PRDM15: variants seen among roughly 807,000 people sequenced by gnomAD.
PRDM15 encodes PR domain zinc finger protein 15.
In PRDM15, 64 loss-of-function variants were observed where a neutral mutation model predicts 128.6. The ratio of observed to expected loss-of-function variants is 0.50; its 90% confidence interval spans 0.41 to 0.61. The LOEUF is 0.61. Among genes scored for constraint, PRDM15 ranks in the 20% least tolerant of loss-of-function variants. The pLI, the probability that PRDM15 is intolerant of heterozygous loss-of-function variation, is 0.00. For synonymous variants in PRDM15, 615 were observed against 621.8 expected (o/e 0.99, Z 0.16); for missense variants, 1,242 against 1,569.1 (o/e 0.79, Z 3.52).
chr21:41,871,789 T>A, intron 1 of PRDM15: 1 of 680,882 alleles, frequency 1.5e-6, no homozygotes. Context: ...CTGCTGCGTT[T>A]CATCACCTCT....
At position 41,819,699 on chromosome 21, in the gene PRDM15, C is replaced by T; in HGVS notation, c.2143G>A (p.Val715Met). Reference protein sequence around the residue: ...LERHKLIHTGVKSHACEQCGK... With the variant: ...LERHKLIHTGMKSHACEQCGK... Reference sequence around the variant, plus strand: ...CACTGCTCGCAGGCGTGGCTCTTCACACCTGAGAACACAGGCATCTGCCAC... The same window carrying T: ...CACTGCTCGCAGGCGTGGCTCTTCATACCTGAGAACACAGGCATCTGCCAC... Residue 715 changes from valine to methionine, a missense_variant and splice_region_variant, in exon 18 of 24, where the codon GTG (valine) becomes ATG (methionine). Physicochemically the swap from Val to Met is conservative, Grantham distance 21. Transcript: ENST00000398548. 6.3e-7 allele frequency: 1 copy of T among 1,598,076 alleles called. No individual in the cohort carries two copies. The highest frequency in any genetic ancestry group is 1.7e-5 in the Admixed American group (1 of 58,984).
chr21:41,861,618 A>G, intron 1 of PRDM15: 1 of 1,613,072 alleles, frequency 6.2e-7, no homozygotes, highest in South Asian at 1.1e-5. Flanking sequence ...GTGGTTTAGG[A>G]AAGTGTGCAT....
At chr21:41,850,275 C>G (rs1375876893) in intron 5 of PRDM15, among the ~76,000 whole-genome samples, 2 of 151,992 alleles carry the variant, frequency 1.3e-5, no homozygotes, top group African/African-American at 4.8e-5. Context: ...GCCCTGCTGG[C>G]ATGGTGCCCC....
At position 41,860,771 on chromosome 21, in the gene PRDM15, C is replaced by T. The variant is rs147377221; in HGVS notation, c.-9-399G>A. ...AATTCCTACTAAAGGCCTCCTCCAG[C>T]CAGTACAGGAACATTACGTGGTGTT... On this transcript the variant is annotated intron_variant, in intron 1 of 23. Coordinates refer to ENST00000398548, the MANE Select transcript of PRDM15 (RefSeq NM_001040424.3). 2.1e-3 allele frequency among the ~76,000 whole-genome samples: 321 copies of T among 152,248 alleles called. 2 individuals are homozygous for T. Among genetic ancestry groups the T allele is most frequent in the African/African-American group, 7.3e-3 (304 of 41,548 alleles).
At chr21:41,820,211 C>A in intron 16 of PRDM15, 37 bp from the exon 17 acceptor site, 1 of 1,573,760 alleles carries the variant, frequency 6.4e-7, no homozygotes, top group Non-Finnish European at 8.7e-7. Context: ...GCCGCACAGC[C>A]TCGGGGCTCC....
chr21:41,806,481 T>C (rs111065044), intron 21 of PRDM15, among the ~76,000 whole-genome samples: 48,608 of 49,246 alleles, frequency 0.99, 23,996 homozygotes, highest in Admixed American at 0.99. Context: ...CACCACCCAT[T>C]ACTACCACCA....
chr21:41,875,205 C>A (rs529420835), intron 1 of PRDM15, among the ~76,000 whole-genome samples: 1 of 152,366 alleles, frequency 6.6e-6, no homozygotes, highest in East Asian at 1.9e-4. Context: ...GTCTGCACCT[C>A]CCCTCCAGAG....
intron 1 of PRDM15, chr21:41,861,533 T>TG: frequency 9.3e-6 from 14 of 1,512,336 alleles, no homozygotes; most frequent in East Asian, 2.3e-5. Flanking sequence ...ATTCCTCCTC[T>TG]GCCCCCCCCC....
chr21:41,834,487 T>G (rs1207798424), intron 11 of PRDM15: 1 of 1,548,536 alleles, frequency 6.5e-7, no homozygotes, highest in Admixed American at 2.0e-5. Flanking sequence ...AAGGACGGGG[T>G]GGGCGTCGAA....
chr21:41,833,681 C>T (rs974571132), intron 11 of PRDM15, among the ~76,000 whole-genome samples: 4 of 152,156 alleles, frequency 2.6e-5, no homozygotes, highest in Admixed American at 6.5e-5. Context: ...AGAGGTGGTG[C>T]GATGCAGGTC....
intron 14 of PRDM15, among the ~76,000 whole-genome samples, chr21:41,822,416 T>A (rs2062310241): frequency 6.6e-6 from 1 of 152,202 alleles, no homozygotes. Context: ...AAGTCCTCCC[T>A]GCTCCCGGGG....
At chr21:41,808,130 C>A (rs1211257615) in intron 21 of PRDM15, among the ~76,000 whole-genome samples, 1 of 152,226 alleles carries the variant, frequency 6.6e-6, no homozygotes, top group Non-Finnish European at 1.5e-5. Context: ...TAGAAACCCA[C>A]ACGTCATGGA....
intron 6 of PRDM15, among the ~76,000 whole-genome samples, chr21:41,843,360 A>G (rs2063133403): frequency 6.6e-6 from 1 of 152,008 alleles, no homozygotes; most frequent in Non-Finnish European, 1.5e-5. Flanking sequence ...CCAGTTATCT[A>G]TCCTTGAACT....
intron 5 of PRDM15, among the ~76,000 whole-genome samples, chr21:41,853,704 AAT>A (rs924022960): frequency 1.3e-5 from 2 of 152,176 alleles, no homozygotes; most frequent in Admixed American, 6.5e-5. Context: ...TTTCAGCAGG[AAT>A]GCTAGATTTG....
In PRDM15 at chr21:41,810,462, G is replaced by T; in HGVS notation, c.2477-133C>A. On this transcript the variant is annotated intron_variant, in intron 20 of 23. Transcript: ENST00000398548. The surrounding 1 kb of genome is among the most constrained non-coding windows in gnomAD (Gnocchi z 6.4). ...GTCACGCCCCGCCCATCCTGAGAGG[G>T]CCGGTGCTGGTCCCCGAGCACACAT... The T allele has an allele frequency of 9.9e-7, 1 of 1,009,310 alleles. No homozygotes were observed. The highest frequency in any genetic ancestry group is 1.6e-5 in the South Asian group (1 of 64,174). The allele number at this position is 1,009,310 out of a possible 1,614,324, so 62.5% of individuals were successfully genotyped here.
In PRDM15 at chr21:41,821,179, T is replaced by G. The variant is rs772658570; in HGVS notation, c.1948A>C (p.Lys650Gln). 3 of 1,614,194 alleles carry G rather than the reference T, an allele frequency of 1.9e-6. No individual in the cohort carries two copies. Among genetic ancestry groups the G allele is most frequent in the Non-Finnish European group, 2.5e-6 (3 of 1,180,022 alleles). ...EYLKHIMEVHKEKGYGCSICN... is the reference protein window; with the variant it reads ...EYLKHIMEVHQEKGYGCSICN... The stretch of plus-strand genomic sequence containing the variant: ...ATGCTGCAGCCATAGCCCTTCTCCT[T>G]GTGCACCTCCATGATGTGCTTCAGG... The change falls in exon 16 of 24, where the codon AAG becomes CAG. Residue 650 changes from lysine (K) to glutamine (Q), a missense_variant. Physicochemically the swap from Lys to Gln is moderately conservative, Grantham distance 53. Coordinates refer to ENST00000398548, the MANE Select transcript of PRDM15 (RefSeq NM_001040424.3). This position sits in a 1 kb window ranked among gnomAD's most constrained non-coding sequence, Gnocchi z 5.4.
chr21:41,858,070 A>G (rs958788826), intron 3 of PRDM15, among the ~76,000 whole-genome samples: 40 of 152,300 alleles, frequency 2.6e-4, no homozygotes, highest in Admixed American at 7.2e-4. Context: ...ACCACAGGGA[A>G]CTCGCTGCTG....
At position 41,854,452 on chromosome 21, in the gene PRDM15, C is replaced by T. The variant is rs1025289834; in HGVS notation, c.538+114G>A. On this transcript the variant is annotated intron_variant, in intron 5 of 23. Coordinates refer to ENST00000398548, the MANE Select transcript of PRDM15 (RefSeq NM_001040424.3). This position sits in a 1 kb window ranked among gnomAD's most constrained non-coding sequence, Gnocchi z 4.6. ...TCCTCCACTCTCCGCATCCCAGCAGCTGGCCCAGCCCAACCCATCTCATCA... is the reference window on the plus strand; with the variant it reads ...TCCTCCACTCTCCGCATCCCAGCAGTTGGCCCAGCCCAACCCATCTCATCA... The T allele has an allele frequency of 1.5e-6, 2 of 1,354,630 alleles. No homozygotes were observed. Among genetic ancestry groups the T allele is most frequent in the Non-Finnish European group, 2.0e-6 (2 of 999,944 alleles). The allele number at this position is 1,354,630 out of a possible 1,614,324, so 83.9% of individuals were successfully genotyped here. A position where few individuals can be genotyped will look rare whatever the true frequency, so the allele number is the denominator to read the frequency against.
intron 5 of PRDM15, among the ~76,000 whole-genome samples, chr21:41,853,703 G>A (rs558356570): frequency 6.6e-6 from 1 of 152,314 alleles, no homozygotes; most frequent in African/African-American, 2.4e-5. Flanking sequence ...TTTTCAGCAG[G>A]AATGCTAGAT....
Sources: allele counts gnomAD v4.1 joint callset (sites outside exome capture counted in the v4.1 genomes callset), GRCh38; gene constraint gnomAD v4.1.1; non-coding constraint Gnocchi (gnomAD v3.1); transcripts MANE v1.5; gene names NCBI Gene and HGNC (gene_info 2026-07-23, HGNC 2026-07-21).